Variants in RSRC1 observed in about 807,000 individuals in gnomAD.
The protein encoded by RSRC1 is serine/Arginine-related protein 53.
RSRC1 carries 39 observed loss-of-function variants against 49.1 expected under a neutral mutation model. That is an observed-to-expected ratio of 0.79 (90% CI 0.61 to 1.04). The LOEUF (loss-of-function observed/expected upper bound fraction) is 1.04. RSRC1 is among the 50% of genes least tolerant of loss of function. The probability of loss-of-function intolerance (pLI) is 0.00; values close to 1 mark genes in which losing one functional copy is unlikely to be tolerated. For synonymous variants in RSRC1, 143 were observed against 130.8 expected (o/e 1.09, Z -0.63); for missense variants, 388 against 402.4 (o/e 0.96, Z 0.31).
intron 6 of RSRC1, among the ~76,000 whole-genome samples, chr3:158,432,111 T>C (rs1232877164): frequency 2.6e-5 from 4 of 151,842 alleles, no homozygotes; most frequent in African/African-American, 9.7e-5. Context: ...GTTCTAATAA[T>C]CTCCCTCACC....
intron 3 of RSRC1, among the ~76,000 whole-genome samples, chr3:158,176,481 C>T (rs899084134): frequency 2.0e-5 from 3 of 152,094 alleles, no homozygotes; most frequent in African/African-American, 7.2e-5. Context: ...GAACAGAGGC[C>T]TCAGAAATAA....
intron 3 of RSRC1, among the ~76,000 whole-genome samples, chr3:158,189,939 A>G (rs777054627): frequency 5.3e-5 from 8 of 152,030 alleles, no homozygotes; most frequent in African/African-American, 1.9e-4. Context: ...TGACTTACAT[A>G]TAAGTCTAAC....
chr3:158,184,597 A>G (rs1156521645), intron 3 of RSRC1, among the ~76,000 whole-genome samples: 1 of 152,168 alleles, frequency 6.6e-6, no homozygotes, highest in Non-Finnish European at 1.5e-5. Context: ...GAAGAAAAGT[A>G]TAAAACAAGA....
At chr3:158,297,788 G>A (rs1727318407) in intron 4 of RSRC1, among the ~76,000 whole-genome samples, 1 of 151,882 alleles carries the variant, frequency 6.6e-6, no homozygotes, top group African/African-American at 2.4e-5. Flanking sequence ...ATGTTTGTGA[G>A]TTCTTTACAT....
At chr3:158,423,759 T>C (rs1735230122) in intron 6 of RSRC1, among the ~76,000 whole-genome samples, 1 of 152,132 alleles carries the variant, frequency 6.6e-6, no homozygotes, top group African/African-American at 2.4e-5. Flanking sequence ...CGTTGAGCAG[T>C]GGTTTGTAGT....
At chr3:158,434,881 C>T (rs1735966849) in intron 6 of RSRC1, among the ~76,000 whole-genome samples, 1 of 151,834 alleles carries the variant, frequency 6.6e-6, no homozygotes, top group Non-Finnish European at 1.5e-5. Context: ...TATGCTCTTC[C>T]AGTTGTAAAT....
At chr3:158,187,229 C>G (rs1670846680) in intron 3 of RSRC1, among the ~76,000 whole-genome samples, 2 of 152,098 alleles carry the variant, frequency 1.3e-5, no homozygotes, top group Admixed American at 1.3e-4. Context: ...TTGTTTGAAA[C>G]TGGAGAATTG....
intron 3 of RSRC1, among the ~76,000 whole-genome samples, chr3:158,190,626 A>ATT (rs201426607): frequency 7.2e-6 from 1 of 139,560 alleles, no homozygotes; most frequent in African/African-American, 2.6e-5. Context: ...TTTTCCTGGA[A>ATT]TTTTTTTTTT....
intron 3 of RSRC1, among the ~76,000 whole-genome samples, chr3:158,169,708 A>T (rs1474630679): frequency 6.6e-6 from 1 of 152,052 alleles, no homozygotes; most frequent in South Asian, 2.1e-4. Flanking sequence ...AATGAATGGG[A>T]TAGGTTACTC....
intron 7 of RSRC1, among the ~76,000 whole-genome samples, chr3:158,514,761 T>G (rs1740406432): frequency 6.6e-6 from 1 of 152,138 alleles, no homozygotes; most frequent in African/African-American, 2.4e-5. Flanking sequence ...TAAGTCTCTT[T>G]GTAGGTCACT....
chr3:158,163,029 A>G (rs888230742), intron 3 of RSRC1, among the ~76,000 whole-genome samples: 3 of 151,914 alleles, frequency 2.0e-5, no homozygotes, highest in Non-Finnish European at 4.4e-5. Context: ...TTGAGATGGA[A>G]TCTCATCCTG....
intron 7 of RSRC1, among the ~76,000 whole-genome samples, chr3:158,461,947 T>TTCAGTAAAACCCA (rs1286914488): frequency 7.0e-6 from 1 of 142,838 alleles, no homozygotes; most frequent in African/African-American, 2.6e-5. Context: ...ACCCAAAGTA[T>TTCAGTAAAACCCA]AATGGTTTAG....
chr3:158,268,424 CT>C (rs1725327027), intron 4 of RSRC1, among the ~76,000 whole-genome samples: 1 of 152,132 alleles, frequency 6.6e-6, no homozygotes, highest in South Asian at 2.1e-4. Flanking sequence ...CTGTGGTTCT[CT>C]TCCTGCCTGC....
intron 1 of RSRC1, among the ~76,000 whole-genome samples, chr3:158,118,909 A>T (rs565036836): frequency 2.8e-4 from 43 of 152,314 alleles, no homozygotes; most frequent in Non-Finnish European, 5.7e-4. Flanking sequence ...GTTTTTGCAG[A>T]TATTCAAGAA....
chr3:158,397,407 A>G (rs1316192817), intron 6 of RSRC1, among the ~76,000 whole-genome samples: 1 of 152,198 alleles, frequency 6.6e-6, no homozygotes, highest in Non-Finnish European at 1.5e-5. Flanking sequence ...ACTGTTTTAC[A>G]TGCTATATGT....
At chr3:158,215,492 A>G (rs1338806641) in intron 4 of RSRC1, among the ~76,000 whole-genome samples, 1 of 151,614 alleles carries the variant, frequency 6.6e-6, no homozygotes, top group Admixed American at 6.6e-5. Context: ...TAATATAATT[A>G]TGGATATGTT....
intron 3 of RSRC1, among the ~76,000 whole-genome samples, chr3:158,185,229 C>T (rs560491091): frequency 6.6e-6 from 1 of 151,734 alleles, no homozygotes; most frequent in South Asian, 2.1e-4. Context: ...TCTTTGATAC[C>T]TAAGTGGGAG....
chr3:158,144,782 C>T (rs1461523480), intron 3 of RSRC1, among the ~76,000 whole-genome samples: 1 of 152,202 alleles, frequency 6.6e-6, no homozygotes, highest in South Asian at 2.1e-4. Flanking sequence ...TTCTCCACAT[C>T]CTCTCCGGCA....
chr3:158,475,015 A>G (rs1211786239), intron 7 of RSRC1, among the ~76,000 whole-genome samples: 5 of 152,160 alleles, frequency 3.3e-5, no homozygotes, highest in Admixed American at 3.3e-4. Flanking sequence ...CCCAGGCTCA[A>G]GACATCCTCC....
Sources: allele counts gnomAD v4.1 joint callset (sites outside exome capture counted in the v4.1 genomes callset), GRCh38; gene constraint gnomAD v4.1.1; transcripts MANE v1.5; gene names NCBI Gene and HGNC (gene_info 2026-07-23, HGNC 2026-07-21).